Variants in BSPH1 observed in about 807,000 individuals in gnomAD.
BSPH1 encodes binder of sperm 1.
In BSPH1, 21 loss-of-function variants were observed where a neutral mutation model predicts 22.5. That is an observed-to-expected ratio of 0.93 (90% CI 0.66 to 1.35). The LOEUF (loss-of-function observed/expected upper bound fraction) is 1.35. Among genes scored for constraint, BSPH1 ranks in the 40% most tolerant of loss-of-function variants. The probability of loss-of-function intolerance (pLI) is 0.00; values close to 1 mark genes in which losing one functional copy is unlikely to be tolerated. For synonymous variants in BSPH1, 42 were observed against 53.6 expected (o/e 0.78, Z 0.95); for missense variants, 141 against 154.2 (o/e 0.91, Z 0.45).
In BSPH1 at chr19:47,980,954, A is replaced by G; in HGVS notation, c.74-13T>C. The G allele has an allele frequency of 7.1e-7, 1 of 1,399,156 alleles. No homozygotes were observed. The highest frequency in any genetic ancestry group is 9.6e-7 in the Non-Finnish European group (1 of 1,039,564). The allele number at this position is 1,399,156 out of a possible 1,614,324, so 86.7% of individuals were successfully genotyped here. A position where few individuals can be genotyped will look rare whatever the true frequency, so the allele number is the denominator to read the frequency against. ...GATGATAATTCATCTGAAAAACACA[A>G]TTTTGAACAAATATTTATGTCACTT... On this transcript the variant is annotated splice_polypyrimidine_tract_variant and intron_variant, in intron 1 of 5. Transcript: ENST00000344839.
chr19:47,968,038 C>A (rs748544844), downstream of BSPH1: 1 of 152,172 alleles, frequency 6.6e-6, no homozygotes, highest in Non-Finnish European at 1.5e-5. Flanking sequence ...TTCCCTTTTG[C>A]TAGAAATGCT....
At chr19:47,987,283 G>A (rs1055980607) in intron 1 of BSPH1, among the ~76,000 whole-genome samples, 3 of 152,060 alleles carry the variant, frequency 2.0e-5, no homozygotes, top group African/African-American at 4.8e-5. Context: ...CTAATTCGCC[G>A]TGTTGGTTTC....
At chr19:47,981,619 G>T in intron 1 of BSPH1, 1 of 301,724 alleles carries the variant, frequency 3.3e-6, no homozygotes, top group Non-Finnish European at 4.9e-6. Context: ...AGGAAGTAAC[G>T]GCCCAAACCC....
At chr19:47,989,108 G>GTTTTTT (rs200248187) in intron 1 of BSPH1, among the ~76,000 whole-genome samples, 3 of 122,384 alleles carry the variant, frequency 2.5e-5, no homozygotes, top group Admixed American at 8.7e-5. Context: ...TCAAGTCACC[G>GTTTTTT]TTTTATTATT....
At chr19:47,976,079 G>A (rs904314248) in intron 5 of BSPH1, among the ~76,000 whole-genome samples, 1 of 152,188 alleles carries the variant, frequency 6.6e-6, no homozygotes, top group Non-Finnish European at 1.5e-5. Flanking sequence ...CTCCACCAGA[G>A]TGGAACATTT....
At chr19:47,988,391 G>C (rs541060194) in intron 1 of BSPH1, among the ~76,000 whole-genome samples, 1 of 152,148 alleles carries the variant, frequency 6.6e-6, no homozygotes. Context: ...TCAGATGTGG[G>C]AACTCACAGA....
rs1313410629 is a variant in BSPH1 at position 47,991,143 on chromosome 19, G to A, written c.73+866C>T. On this transcript the variant is annotated intron_variant, in intron 1 of 5. Transcript: ENST00000344839. ...TACAGCAGCCGATGTGCAGGACTCC[G>A]TCCCAGCCAGGGTCACCTGTCTCCT... 3.3e-5 allele frequency among the ~76,000 whole-genome samples: 5 copies of A among 152,164 alleles called. No individual in the cohort carries two copies. In the East Asian group the frequency reaches 5.8e-4, roughly 18 times the overall value.
At chr19:47,973,547 G>A (rs919039946) in intron 5 of BSPH1, among the ~76,000 whole-genome samples, 2 of 152,132 alleles carry the variant, frequency 1.3e-5, no homozygotes, top group Non-Finnish European at 2.9e-5. Flanking sequence ...CAAATATTTT[G>A]AGGTTAAGAG....
chr19:47,986,476 C>T (rs1019426138), intron 1 of BSPH1, among the ~76,000 whole-genome samples: 8 of 152,100 alleles, frequency 5.3e-5, no homozygotes, highest in East Asian at 3.9e-4. Context: ...TGGTGATTTA[C>T]GCTTGTAATC....
rs1600087633 is a variant in BSPH1, at chr19:47,978,326, A to G, written c.125-822T>C. Among the ~76,000 whole-genome samples the G allele has an allele frequency of 2.0e-5, 3 of 152,094 alleles. No homozygotes were observed. The South Asian group carries it at 6.2e-4, about 32-fold the overall frequency. ...CACTATGTTGGCCAGGGTGGTCTCAAACTCCTGAGCTCAAGCATCTTCCTG... is the reference window on the plus strand; with the variant it reads ...CACTATGTTGGCCAGGGTGGTCTCAGACTCCTGAGCTCAAGCATCTTCCTG... On this transcript the variant is annotated intron_variant, in intron 3 of 5. Coordinates refer to ENST00000344839, the MANE Select transcript of BSPH1 (RefSeq NM_001128326.2).
rs11363158 is a variant in BSPH1, at chr19:47,980,477, CTTT to C, written c.94+441_94+443del. Reference sequence around the variant, plus strand: ...TATGATTTATCTCCTCTTCTTCTTTCTTTTTTTTTTTTTTTTTTTTTGAGACTG... The same window carrying C: ...TATGATTTATCTCCTCTTCTTCTTTCTTTTTTTTTTTTTTTTTTGAGACTG... On this transcript the variant is annotated intron_variant, in intron 2 of 5. Coordinates refer to ENST00000344839, the MANE Select transcript of BSPH1 (RefSeq NM_001128326.2). 3.9e-3 allele frequency: 799 copies of C among 203,860 alleles called. 1 individual carries two copies. Among genetic ancestry groups the C allele is most frequent in the Middle Eastern group, 7.9e-3 (3 of 380 alleles). 12.6% of individuals were successfully genotyped at this position (203,860 alleles called of 1,614,324 possible). A position where few individuals can be genotyped will look rare whatever the true frequency, so the allele number is the denominator to read the frequency against.
intron 5 of BSPH1, among the ~76,000 whole-genome samples, chr19:47,974,269 C>CTCTCT (rs57733472): frequency 0.1 from 7,720 of 75,510 alleles, 442 homozygotes; most frequent in East Asian, 0.38. Context: ...CTCTCTCTCT[C>CTCTCT]TTTTTTTTTT....
intron 1 of BSPH1, among the ~76,000 whole-genome samples, chr19:47,988,257 T>C (rs368316531): frequency 6.6e-6 from 1 of 152,166 alleles, no homozygotes; most frequent in East Asian, 1.9e-4. Flanking sequence ...TAATAGTACT[T>C]TTGGTACTAT....
At chr19:47,989,749 G>A (rs1271564669) in intron 1 of BSPH1, among the ~76,000 whole-genome samples, 2 of 152,162 alleles carry the variant, frequency 1.3e-5, no homozygotes, top group Non-Finnish European at 2.9e-5. Flanking sequence ...TGGGGACCCA[G>A]CTGTTATTGT....
intron 5 of BSPH1, among the ~76,000 whole-genome samples, chr19:47,971,790 C>T (rs73941409): frequency 0.026 from 3,923 of 152,258 alleles, 157 homozygotes; most frequent in African/African-American, 0.089. Context: ...TCCATTCATA[C>T]TAAATTCCTT....
At chr19:47,968,970 G>A (rs1969283903) in intron 5 of BSPH1, among the ~76,000 whole-genome samples, 1 of 147,912 alleles carries the variant, frequency 6.8e-6, no homozygotes, top group African/African-American at 2.5e-5. Flanking sequence ...TTGCACTCCA[G>A]CCTGGGCGAC....
rs1169482750 is a variant in BSPH1, at chr19:47,976,640, A to G, written c.*2+70T>C. On this transcript the variant is annotated intron_variant, in intron 5 of 5. Coordinates refer to ENST00000344839, the MANE Select transcript of BSPH1 (RefSeq NM_001128326.2). ...AATGAGAAAGGGTTCTCCTCTGCCA[A>G]CAAAAACTCTAGGTTCTTTCCAAGG... 9 of 1,308,998 alleles carry G rather than the reference A, an allele frequency of 6.9e-6. No individual in the cohort carries two copies. In the East Asian group the frequency reaches 2.1e-4, roughly 30 times the overall value. The allele number at this position is 1,308,998 out of a possible 1,614,324, so 81.1% of individuals were successfully genotyped here.
chr19:47,988,209 T>G (rs35405367), intron 1 of BSPH1, among the ~76,000 whole-genome samples: 29,531 of 152,144 alleles, frequency 0.19, 3,286 homozygotes, highest in Middle Eastern at 0.27. Context: ...GAGTATCGAC[T>G]ACTAAATCCA....
chr19:47,976,605 A>AAAAACC, intron 5 of BSPH1, 105 bp downstream of exon 5: 1 of 769,150 alleles, frequency 1.3e-6, no homozygotes. Flanking sequence ...AACAAAAAAA[A>AAAAACC]ACCCTCTCTA....
Sources: gnomAD v4.1 joint callset for allele counts (sites outside exome capture counted in the v4.1 genomes callset) on GRCh38, gnomAD v4.1.1 for gene constraint, MANE v1.5 for transcripts, NCBI Gene and HGNC (gene_info 2026-07-23, HGNC 2026-07-21) for gene names.